The following DAB1 variants were observed in gnomAD, a reference collection of about 807,000 sequenced individuals.
DAB1 encodes DAB adaptor protein 1, also known as disabled homolog 1.
In DAB1, 15 loss-of-function variants were observed where a neutral mutation model predicts 64.6. The observed-to-expected ratio is 0.23, with a 90% CI of 0.16 to 0.36. DAB1 has a LOEUF of 0.36. DAB1 is among the 10% of genes least tolerant of loss of function. DAB1 has a pLI of 1.00. For missense variants in DAB1, 596 were observed against 706.7 expected, an observed-to-expected ratio of 0.84 and a Z score of 1.78; for synonymous variants, 235 against 251.9, an observed-to-expected ratio of 0.93 and a Z score of 0.64.
intron 6 of DAB1, among the ~76,000 whole-genome samples, chr1:57,793,587 T>G (rs1650705278): frequency 1.3e-5 from 2 of 152,138 alleles, no homozygotes; most frequent in Non-Finnish European, 1.5e-5. Flanking sequence ...CTGGTCAGTG[T>G]TGCATGGCAA....
intron 1 of DAB1, among the ~76,000 whole-genome samples, chr1:57,360,577 C>G (rs898510280): frequency 4.6e-5 from 7 of 151,958 alleles, no homozygotes; most frequent in Non-Finnish European, 8.8e-5. Context: ...TGTAAAGGGT[C>G]TCTAGGGAAT....
intron 1 of DAB1, among the ~76,000 whole-genome samples, chr1:57,339,755 G>C (rs1417262801): frequency 6.6e-6 from 1 of 152,048 alleles, no homozygotes; most frequent in Non-Finnish European, 1.5e-5. Context: ...TTAGAAATAC[G>C]GGTTGAATTT....
At chr1:57,933,156 T>A (rs1038674974) in intron 5 of DAB1, among the ~76,000 whole-genome samples, 1 of 152,170 alleles carries the variant, frequency 6.6e-6, no homozygotes, top group East Asian at 1.9e-4. Flanking sequence ...ACTCTCAGAG[T>A]TGTCCACACT....
intron 9 of DAB1, among the ~76,000 whole-genome samples, chr1:57,036,616 GTC>G (rs1346803161): frequency 6.6e-6 from 1 of 152,058 alleles, no homozygotes; most frequent in Non-Finnish European, 1.5e-5. Context: ...TTATATTAAA[GTC>G]TTTTTTGTTT....
chr1:57,409,739 G>GT (rs1418517212), intron 1 of DAB1, among the ~76,000 whole-genome samples: 1 of 152,180 alleles, frequency 6.6e-6, no homozygotes, highest in African/African-American at 2.4e-5. Context: ...AACCCAGGAG[G>GT]TAGAGGTTGC....
Position 58,004,186 on chromosome 1 carries a change from A to G in DAB1, n.388-120024T>C, listed in dbSNP as rs1046153577. The stretch of plus-strand genomic sequence containing the variant: ...AAGGCTCTCTCACTTACACTCTTAC[A>G]TTTATTCTTCACAGCCACCCCAGAA... On this transcript the variant is annotated intron_variant and non_coding_transcript_variant, in intron 5 of 20. Transcript: ENST00000485760. Among the ~76,000 whole-genome samples, 91 of 152,202 alleles carry G rather than the reference A, an allele frequency of 6.0e-4. 2 individuals carry two copies. The highest frequency in any genetic ancestry group is 1.3e-4 in the Admixed American group (2 of 15,274).
intron 7 of DAB1, among the ~76,000 whole-genome samples, chr1:57,510,801 C>G (rs954746072): frequency 6.6e-6 from 1 of 152,012 alleles, no homozygotes; most frequent in Non-Finnish European, 1.5e-5. Context: ...TTTTTAGACT[C>G]GGGGTCTCGC....
At position 57,802,783 on chromosome 1, in the gene DAB1, T is replaced by G. The variant is rs149088326; in HGVS notation, n.551+81216A>C. Reference sequence around the variant, plus strand: ...AAGTTTCCTGCAGCCTCCCCAGCCATGCTTCCTGTACAGCCTGCATAACTG... The same window carrying G: ...AAGTTTCCTGCAGCCTCCCCAGCCAGGCTTCCTGTACAGCCTGCATAACTG... On this transcript the variant is annotated intron_variant and non_coding_transcript_variant, in intron 6 of 20. Coordinates refer to the DAB1 transcript ENST00000485760. 1.4e-3 allele frequency among the ~76,000 whole-genome samples: 217 copies of G among 152,324 alleles called. 6 individuals carry two copies. The South Asian group carries it at 0.035, about 25-fold the overall frequency.
intron 9 of DAB1, among the ~76,000 whole-genome samples, chr1:57,045,943 T>G (rs961402343): frequency 3.3e-5 from 5 of 152,174 alleles, no homozygotes; most frequent in African/African-American, 1.2e-4. Flanking sequence ...AGACCTTCCT[T>G]TCGGCATAAG....
At chr1:57,661,116 T>C (rs554910080) in intron 6 of DAB1, among the ~76,000 whole-genome samples, 1 of 152,028 alleles carries the variant, frequency 6.6e-6, no homozygotes, top group African/African-American at 2.4e-5. Flanking sequence ...CTTCTGGCCT[T>C]GGATAGTCTG....
At chr1:57,439,368 G>T (rs147442015) in intron 7 of DAB1, among the ~76,000 whole-genome samples, 1 of 148,624 alleles carries the variant, frequency 6.7e-6, no homozygotes, top group Admixed American at 6.7e-5. Flanking sequence ...AGCATTAGTT[G>T]CAGTTTTTCT....
Position 57,517,195 on chromosome 1 carries a change from T to C in DAB1, n.625+132397A>G, listed in dbSNP as rs541305167. Among the ~76,000 whole-genome samples the C allele has an allele frequency of 2.0e-5, 3 of 152,258 alleles. No individual in the cohort carries two copies. In the East Asian group the frequency reaches 5.8e-4, roughly 29 times the overall value. On this transcript the variant is annotated intron_variant and non_coding_transcript_variant, in intron 7 of 20. Transcript: ENST00000485760. ...TATTTTTTTTGAGGCAGGGTCTTGCTCTGTTGCCCAGGCTGGAGTACAGTG... is the reference window on the plus strand; with the variant it reads ...TATTTTTTTTGAGGCAGGGTCTTGCCCTGTTGCCCAGGCTGGAGTACAGTG...
chr1:57,737,673 T>C (rs1647763560), intron 6 of DAB1, among the ~76,000 whole-genome samples: 1 of 152,206 alleles, frequency 6.6e-6, no homozygotes, highest in Non-Finnish European at 1.5e-5. Flanking sequence ...CAACCCACAC[T>C]GGACCATCCC....
chr1:58,222,481 T>C (rs1173357418), intron 4 of DAB1, among the ~76,000 whole-genome samples: 6 of 152,218 alleles, frequency 3.9e-5, no homozygotes, highest in African/African-American at 9.6e-5. Context: ...TTTAGACCTG[T>C]AAGTTATGAT....
intron 14 of DAB1, among the ~76,000 whole-genome samples, chr1:57,007,516 G>A (rs1557523296): frequency 6.6e-6 from 1 of 152,056 alleles, no homozygotes; most frequent in Non-Finnish European, 1.5e-5. Flanking sequence ...AGGGTAGGGG[G>A]AAAAAAGTGA....
At chr1:57,537,175 T>C (rs1223568601) in intron 7 of DAB1, among the ~76,000 whole-genome samples, 1 of 152,236 alleles carries the variant, frequency 6.6e-6, no homozygotes, top group East Asian at 1.9e-4. Flanking sequence ...CTACTAGAGA[T>C]TGTATAATTA....
At chr1:57,804,713 C>G (rs1651282984) in intron 6 of DAB1, among the ~76,000 whole-genome samples, 1 of 152,068 alleles carries the variant, frequency 6.6e-6, no homozygotes, top group African/African-American at 2.4e-5. Flanking sequence ...GCTGACCTAC[C>G]CAGAGGGAAA....
At chr1:57,747,537 C>T (rs941212561) in intron 6 of DAB1, among the ~76,000 whole-genome samples, 4 of 151,976 alleles carry the variant, frequency 2.6e-5, no homozygotes, top group East Asian at 1.9e-4. Context: ...AGGCCAGGCA[C>T]GGTGGCTCAC....
At chr1:58,503,572 C>T (rs897367460) in intron 3 of DAB1, among the ~76,000 whole-genome samples, 2 of 151,964 alleles carry the variant, frequency 1.3e-5, no homozygotes, top group African/African-American at 4.8e-5. Flanking sequence ...GAGGTAAGCG[C>T]CTTTGGGAGG....
Sources: gnomAD v4.1 joint callset for allele counts (sites outside exome capture counted in the v4.1 genomes callset) on GRCh38, gnomAD v4.1.1 for gene constraint, MANE v1.5 for transcripts, NCBI Gene and HGNC (gene_info 2026-07-23, HGNC 2026-07-21) for gene names.